PCDHGA8: variants seen among roughly 807,000 people sequenced by gnomAD.
PCDHGA8 encodes protocadherin gamma-A8.
Under a neutral mutation model 59.2 loss-of-function variants are expected in PCDHGA8, and 45 were observed. The ratio of observed to expected loss-of-function variants is 0.76; its 90% CI spans 0.60 to 0.98. PCDHGA8 has a LOEUF of 0.98. Among genes scored for constraint, PCDHGA8 ranks in the 50% least tolerant of loss-of-function variants. PCDHGA8 has a pLI of 0.00. For missense variants in PCDHGA8, 1,257 were observed against 1,196.2 expected, an observed-to-expected ratio of 1.05 and a Z score of -0.75; for synonymous variants, 531 against 519.0, an observed-to-expected ratio of 1.02 and a Z score of -0.32.
chr5:141,408,071 T>C, intron 1 of PCDHGA8: 4 of 1,384,774 alleles, frequency 2.9e-6, no homozygotes, highest in Non-Finnish European at 2.9e-6. Context: ...GCGCAGACCT[T>C]TCCCAGCACA....
intron 1 of PCDHGA8, chr5:141,405,435 T>TAG: frequency 6.8e-7 from 1 of 1,463,324 alleles, no homozygotes; most frequent in Non-Finnish European, 9.3e-7. Flanking sequence ...TTGTTTTGTT[T>TAG]TTGAGACAGA....
chr5:141,418,649 G>A (rs760169796), intron 1 of PCDHGA8: 3 of 1,613,926 alleles, frequency 1.9e-6, no homozygotes, highest in Non-Finnish European at 2.5e-6. Flanking sequence ...CATCCTGAGA[G>A]TGAAGGCCAC....
At chr5:141,415,352 C>T in intron 1 of PCDHGA8, 1 of 1,614,228 alleles carries the variant, frequency 6.2e-7, no homozygotes, top group Non-Finnish European at 8.5e-7. Context: ...TGGCACAAGT[C>T]ACGCCTGCTG....
Position 141,432,683 on chromosome 5 carries a change from C to T in PCDHGA8, c.2424+37446C>T, listed in dbSNP as rs138402830. The T allele has an allele frequency of 4.8e-5, 78 of 1,613,968 alleles. No individual in the cohort carries two copies. In the African/African-American group the frequency reaches 9.5e-4, roughly 20 times the overall value. On this transcript the variant is annotated intron_variant, in intron 1 of 3. Transcript: ENST00000398604. The surrounding 1 kb of genome is among the most constrained non-coding windows in gnomAD (Gnocchi z 6.0). ...GGACAGAGACGCGCTCAAGCAGAGC[C>T]TCGTAGTGGCCGTCCAGGACCACGG...
Position 141,432,405 on chromosome 5 carries a change from GC to G in PCDHGA8, c.2424+37170del. On this transcript the variant is annotated intron_variant, in intron 1 of 3. Coordinates refer to ENST00000398604, the MANE Select transcript of PCDHGA8 (RefSeq NM_032088.2). This position sits in a 1 kb window ranked among gnomAD's most constrained non-coding sequence, Gnocchi z 6.0. ...CCCCTCAGCAGCAACGTGTCGTTGA[GC>G]CTGTTCGTGCTGGACCAGAACGACA... The G allele has an allele frequency of 6.2e-7, 1 of 1,614,246 alleles. No individual in the cohort carries two copies. Among genetic ancestry groups the G allele is most frequent in the South Asian group, 1.1e-5 (1 of 91,084 alleles).
rs1210691847 is a variant in PCDHGA8, at chr5:141,432,985, C to T, written c.2424+37748C>T. The stretch of plus-strand genomic sequence containing the variant: ...GAGCGCCGGCGTCGCACTTTGTGGG[C>T]GTGGACGGGGTGCAGGCTTTCCTGC... On this transcript the variant is annotated intron_variant, in intron 1 of 3. Transcript: ENST00000398604. The surrounding 1 kb of genome is among the most constrained non-coding windows in gnomAD (Gnocchi z 6.0). The T allele has an allele frequency of 3.1e-6, 5 of 1,614,176 alleles. No individual in the cohort carries two copies. The highest frequency in any genetic ancestry group is 4.2e-6 in the Non-Finnish European group (5 of 1,180,034).
chr5:141,399,799 G>A lies in PCDHGA8; in HGVS notation c.2424+4562G>A, dbSNP rs768345936. The A allele has an allele frequency of 8.7e-6, 14 of 1,613,236 alleles. No homozygotes were observed. The South Asian group carries it at 1.5e-4, about 18-fold the overall frequency. On this transcript the variant is annotated intron_variant, in intron 1 of 3. Transcript: ENST00000398604. The stretch of plus-strand genomic sequence containing the variant: ...CGACCGAAACGACAACGCACCGCGG[G>A]TGCTGTACCCCGCGCTGGGTCCCGA...
chr5:141,399,988 G>C, intron 1 of PCDHGA8: 1 of 1,612,442 alleles, frequency 6.2e-7, no homozygotes, highest in Non-Finnish European at 8.5e-7. Context: ...GCGCACAGGA[G>C]AGGTGCGCAC....
intron 1 of PCDHGA8, among the ~76,000 whole-genome samples, chr5:141,465,348 A>C (rs886810999): frequency 6.6e-6 from 1 of 152,158 alleles, no homozygotes; most frequent in African/African-American, 2.4e-5. Context: ...GTTACTGAAG[A>C]AAAAATGGGT....
At chr5:141,413,244 C>T in intron 1 of PCDHGA8, 3 of 1,613,984 alleles carry the variant, frequency 1.9e-6, no homozygotes, top group Non-Finnish European at 2.5e-6. Flanking sequence ...TCTGCCTTTT[C>T]TTCGGGATTC....
At chr5:141,423,620 C>A in intron 1 of PCDHGA8, 1 of 1,608,268 alleles carries the variant, frequency 6.2e-7, no homozygotes, top group Non-Finnish European at 8.5e-7. Flanking sequence ...GCTGAAGACT[C>A]AGCTATCATT....
chr5:141,444,893 G>T (rs1238224263), intron 1 of PCDHGA8, among the ~76,000 whole-genome samples: 1 of 152,160 alleles, frequency 6.6e-6, no homozygotes, highest in Admixed American at 6.5e-5. Flanking sequence ...TTTTGAATGG[G>T]ATGGCATTGC....
At chr5:141,414,882 C>T (rs759814512) in intron 1 of PCDHGA8, 7 of 1,614,104 alleles carry the variant, frequency 4.3e-6, no homozygotes, top group East Asian at 4.5e-5. Context: ...TCCTGTACCC[C>T]GCCCTCCCCA....
rs2099749948 is a variant in PCDHGA8 at position 141,493,762 on chromosome 5, C to T, written c.2425-1045C>T. Among the ~76,000 whole-genome samples the T allele has an allele frequency of 1.3e-5, 2 of 152,130 alleles. No homozygotes were observed. Among genetic ancestry groups the T allele is most frequent in the South Asian group, 4.1e-4 (2 of 4,830 alleles). Reference sequence around the variant, plus strand: ...TGCCACCTGTGAGCCTTGAGTGAGCCACTGGCAGTTCCGGAGCTTCCTTCT... The same window carrying T: ...TGCCACCTGTGAGCCTTGAGTGAGCTACTGGCAGTTCCGGAGCTTCCTTCT... On this transcript the variant is annotated intron_variant, in intron 1 of 3. Transcript: ENST00000398604. The surrounding 1 kb of genome is among the most constrained non-coding windows in gnomAD (Gnocchi z 4.3).
Position 141,491,306 on chromosome 5 carries a change from A to G in PCDHGA8, c.2425-3501A>G. ...CTCATACACCCTCCTGAGCGTTCAGACCTTACCCTTTACCTCATTGTGGCT... is the reference window on the plus strand; with the variant it reads ...CTCATACACCCTCCTGAGCGTTCAGGCCTTACCCTTTACCTCATTGTGGCT... On this transcript the variant is annotated intron_variant, in intron 1 of 3. Coordinates refer to ENST00000398604, the MANE Select transcript of PCDHGA8 (RefSeq NM_032088.2). This position sits in a 1 kb window ranked among gnomAD's most constrained non-coding sequence, Gnocchi z 6.9. 1 of 1,614,032 alleles carries G rather than the reference A, an allele frequency of 6.2e-7. No individual in the cohort carries two copies. The highest frequency in any genetic ancestry group is 2.2e-5 in the East Asian group (1 of 44,872).
intron 1 of PCDHGA8, chr5:141,399,778 C>A (rs187080333): frequency 6.2e-7 from 1 of 1,613,250 alleles, no homozygotes; most frequent in African/African-American, 1.3e-5. Context: ...GGTGGGCGAC[C>A]GAAACGACAA....
chr5:141,495,921 T>C (rs959070876), intron 2 of PCDHGA8, among the ~76,000 whole-genome samples: 1 of 152,196 alleles, frequency 6.6e-6, no homozygotes, highest in Non-Finnish European at 1.5e-5. Context: ...TCTTTCTTTG[T>C]CTCTGTCTCT....
intron 1 of PCDHGA8, among the ~76,000 whole-genome samples, chr5:141,435,790 A>G (rs1336963117): frequency 2.0e-5 from 3 of 152,168 alleles, no homozygotes; most frequent in African/African-American, 7.2e-5. Flanking sequence ...GCAGGGAAAC[A>G]TAACGTCCCA....
At chr5:141,471,075 G>T (rs574363005) in intron 1 of PCDHGA8, among the ~76,000 whole-genome samples, 1 of 143,346 alleles carries the variant, frequency 7.0e-6, no homozygotes, top group East Asian at 2.0e-4. Context: ...TTGAGACAGG[G>T]TCTCCCTCTG....
Sources: allele counts gnomAD v4.1 joint callset (sites outside exome capture counted in the v4.1 genomes callset), GRCh38; gene constraint gnomAD v4.1.1; non-coding constraint Gnocchi (gnomAD v3.1); transcripts MANE v1.5; gene names NCBI Gene and HGNC (gene_info 2026-07-23, HGNC 2026-07-21).